CWC27: variants seen among roughly 807,000 people sequenced by gnomAD.
CWC27 encodes the protein CWC27 spliceosome associated cyclophilin.
CWC27 carries 47 observed loss-of-function variants against 63.6 expected under a neutral mutation model. The ratio of observed to expected loss-of-function variants is 0.74; its 90% CI spans 0.58 to 0.94. The LOEUF (loss-of-function observed/expected upper bound fraction) is 0.94, where lower values mean the gene tolerates loss of function less well. Among genes scored for constraint, CWC27 ranks in the 40% least tolerant of loss-of-function variants. The pLI is 0.00. For missense variants in CWC27, 495 were observed against 554.3 expected (o/e 0.89, Z 1.07); for synonymous variants, 175 against 179.8 (o/e 0.97, Z 0.22).
At chr5:65,007,812 T>C (rs535167848) in intron 13 of CWC27, among the ~76,000 whole-genome samples, 1 of 152,174 alleles carries the variant, frequency 6.6e-6, no homozygotes, top group South Asian at 2.1e-4. Context: ...GTATTTTTAG[T>C]AGGGACGGGG....
At chr5:64,970,216 T>C (rs946938508) in intron 11 of CWC27, among the ~76,000 whole-genome samples, 3 of 150,790 alleles carry the variant, frequency 2.0e-5, no homozygotes, top group African/African-American at 7.3e-5. Flanking sequence ...AAGTAATTTT[T>C]TTTTTTTTTT....
chr5:64,916,648 A>G (rs1747892115), intron 11 of CWC27, among the ~76,000 whole-genome samples: 2 of 152,112 alleles, frequency 1.3e-5, no homozygotes, highest in Non-Finnish European at 2.9e-5. Flanking sequence ...CCCCAGAGAC[A>G]GATATTAATT....
At chr5:64,809,434 C>T (rs1465165962) in intron 10 of CWC27, among the ~76,000 whole-genome samples, 1 of 152,190 alleles carries the variant, frequency 6.6e-6, no homozygotes, top group African/African-American at 2.4e-5. Flanking sequence ...GTGGCACAAC[C>T]TCAGCTCACT....
intron 11 of CWC27, among the ~76,000 whole-genome samples, chr5:64,913,898 A>C (rs1747840051): frequency 2.6e-5 from 4 of 152,100 alleles, no homozygotes; most frequent in African/African-American, 7.2e-5. Context: ...TGAGGAAAAA[A>C]CAAAAGTCAA....
intron 10 of CWC27, among the ~76,000 whole-genome samples, chr5:64,806,250 A>G (rs1034773731): frequency 6.6e-6 from 1 of 152,220 alleles, no homozygotes; most frequent in African/African-American, 2.4e-5. Context: ...GGAAAAAGTT[A>G]TATTCAAGTG....
chr5:64,788,578 C>T (rs1260428502), intron 6 of CWC27, among the ~76,000 whole-genome samples: 1 of 151,740 alleles, frequency 6.6e-6, no homozygotes, highest in Non-Finnish European at 1.5e-5. Flanking sequence ...TTGTAGCACT[C>T]AGGGATATAT....
intron 13 of CWC27, among the ~76,000 whole-genome samples, chr5:64,990,836 T>C (rs1368768981): frequency 2.6e-5 from 4 of 152,256 alleles, no homozygotes; most frequent in Non-Finnish European, 4.4e-5. Flanking sequence ...TCTAGTGATA[T>C]TAAAATCTTT....
intron 13 of CWC27, among the ~76,000 whole-genome samples, chr5:64,992,698 ATT>A (rs10710157): frequency 0.013 from 1,843 of 142,304 alleles, 38 homozygotes; most frequent in African/African-American, 0.041. Context: ...CGCCTGGCTA[ATT>A]TTTTTTTTTT....
chr5:64,846,148 C>T (rs1745971793), intron 10 of CWC27, among the ~76,000 whole-genome samples: 1 of 152,140 alleles, frequency 6.6e-6, no homozygotes, highest in Non-Finnish European at 1.5e-5. Flanking sequence ...AGCTATCTTT[C>T]ATAATTGAGA....
intron 11 of CWC27, among the ~76,000 whole-genome samples, chr5:64,931,399 G>A (rs959889533): frequency 7.3e-5 from 11 of 151,640 alleles, no homozygotes; most frequent in African/African-American, 2.7e-4. Context: ...TTTTCTGTAA[G>A]TTTAAAATTA....
intron 13 of CWC27, among the ~76,000 whole-genome samples, chr5:65,004,556 ATATC>A (rs1749793267): frequency 7.2e-6 from 1 of 139,796 alleles, no homozygotes; most frequent in African/African-American, 2.8e-5. Context: ...CTTTTATATG[ATATC>A]TATCTCGTTG....
chr5:64,849,092 A>T (rs1240993725), intron 10 of CWC27, among the ~76,000 whole-genome samples: 2 of 152,194 alleles, frequency 1.3e-5, no homozygotes, highest in African/African-American at 4.8e-5. Context: ...AAAACTCTAC[A>T]GACTCCACCA....
At chr5:64,779,304 A>G (rs10051232) in intron 2 of CWC27, among the ~76,000 whole-genome samples, 1 of 152,088 alleles carries the variant, frequency 6.6e-6, no homozygotes, top group African/African-American at 2.4e-5. Context: ...ATGTGATTGA[A>G]TCATGACTGC....
intron 13 of CWC27, among the ~76,000 whole-genome samples, chr5:65,011,616 A>C (rs981570755): frequency 6.6e-6 from 1 of 152,244 alleles, no homozygotes; most frequent in African/African-American, 2.4e-5. Flanking sequence ...CCACATTGGG[A>C]ATTTTGGGTT....
intron 10 of CWC27, among the ~76,000 whole-genome samples, chr5:64,816,577 G>T: frequency 6.6e-6 from 1 of 152,142 alleles, no homozygotes; most frequent in Admixed American, 6.5e-5. Flanking sequence ...AAGGACGGTA[G>T]AATAGAGAGG....
At chr5:64,971,474 C>A (rs1235179819) in intron 11 of CWC27, among the ~76,000 whole-genome samples, 1 of 152,114 alleles carries the variant, frequency 6.6e-6, no homozygotes, top group African/African-American at 2.4e-5. Flanking sequence ...TACAATAGTG[C>A]AGTGTATAGT....
chr5:65,011,945 A>G (rs1352758743), intron 13 of CWC27, among the ~76,000 whole-genome samples: 1 of 152,228 alleles, frequency 6.6e-6, no homozygotes, highest in Non-Finnish European at 1.5e-5. Flanking sequence ...ATAAAAATTT[A>G]TAGGGGGAAT....
At chr5:64,825,935 A>T (rs1298840987) in intron 10 of CWC27, among the ~76,000 whole-genome samples, 1 of 152,254 alleles carries the variant, frequency 6.6e-6, no homozygotes, top group Non-Finnish European at 1.5e-5. Context: ...TCCCTGAAAA[A>T]GAATAAATTT....
rs78378562 is a variant in CWC27 at position 65,006,200 on chromosome 5, T to C, written c.1257-11959T>C. On this transcript the variant is annotated intron_variant, in intron 13 of 13. Transcript: ENST00000381070. ...AAAGTACCTGTAAAAGTATTAGTCA[T>C]ATTTAGGCTTCCAAGTTTTCCAGTG... Among the ~76,000 whole-genome samples the C allele has an allele frequency of 1.4e-3, 215 of 152,362 alleles. 2 individuals are homozygous for C. Among genetic ancestry groups the C allele is most frequent in the Admixed American group, 2.4e-3 (36 of 15,306 alleles).
Sources: allele counts gnomAD v4.1 joint callset (sites outside exome capture counted in the v4.1 genomes callset), GRCh38; gene constraint gnomAD v4.1.1; transcripts MANE v1.5; gene names NCBI Gene and HGNC (gene_info 2026-07-23, HGNC 2026-07-21).